LIMS1: variants seen among roughly 807,000 people sequenced by gnomAD.
LIMS1 encodes LIM and senescent cell antigen-like-containing domain protein 1.
Under a neutral mutation model 44.1 loss-of-function variants are expected in LIMS1, and 18 were observed. The observed-to-expected ratio is 0.41, with a 90% confidence interval of 0.28 to 0.61. The LOEUF is 0.61. LIMS1 is among the 20% of genes least tolerant of loss of function. The probability of loss-of-function intolerance (pLI) is 0.32; values close to 1 mark genes in which losing one functional copy is unlikely to be tolerated. For missense variants in LIMS1, 201 were observed against 422.0 expected (o/e 0.48, Z 4.59); for synonymous variants, 93 against 149.1 (o/e 0.62, Z 2.74).
At chr2:108,672,081 C>T (rs1320627474) in intron 3 of LIMS1, among the ~76,000 whole-genome samples, 3 of 147,976 alleles carry the variant, frequency 2.0e-5, no homozygotes, top group African/African-American at 7.5e-5. Context: ...GCAGGAGAAT[C>T]GCTTGAACCC....
chr2:108,551,847 A>G (rs1166877542), intron 1 of LIMS1, among the ~76,000 whole-genome samples: 2 of 146,430 alleles, frequency 1.4e-5, no homozygotes, highest in East Asian at 2.0e-4. Flanking sequence ...TATACTGTAT[A>G]TATACTATGT....
intron 1 of LIMS1, chr2:108,621,143 C>T: frequency 2.6e-6 from 2 of 761,232 alleles, no homozygotes; most frequent in Non-Finnish European, 3.9e-6. Flanking sequence ...AGGTGCGAGG[C>T]CCAGAGATAA....
At chr2:108,543,057 C>T (rs563364503) in intron 1 of LIMS1, among the ~76,000 whole-genome samples, 1 of 152,294 alleles carries the variant, frequency 6.6e-6, no homozygotes, top group African/African-American at 2.4e-5. Flanking sequence ...GAGTATACAG[C>T]TGTAATAGAG....
At chr2:108,618,774 G>A (rs551719826) in intron 1 of LIMS1, among the ~76,000 whole-genome samples, 29 of 145,948 alleles carry the variant, frequency 2.0e-4, no homozygotes, top group Non-Finnish European at 3.1e-4. Flanking sequence ...GCAGTGAGCT[G>A]AGATCGTGCC....
exon 10 of LIMS1, chr2:108,685,627 TATC>T (rs1024401704): frequency 1.3e-5 from 2 of 152,236 alleles, no homozygotes; most frequent in African/African-American, 4.8e-5. Context: ...GAATTGAAAT[TATC>T]ATAAATGATC....
intron 1 of LIMS1, among the ~76,000 whole-genome samples, chr2:108,576,425 G>C (rs1685671968): frequency 6.6e-6 from 1 of 152,078 alleles, no homozygotes; most frequent in Admixed American, 6.6e-5. Flanking sequence ...TTTTGAGATG[G>C]AGTCTCGCCC....
chr2:108,551,628 G>A (rs996330882), intron 1 of LIMS1, among the ~76,000 whole-genome samples: 1 of 140,822 alleles, frequency 7.1e-6, no homozygotes. Flanking sequence ...GTATATATGT[G>A]TATATATATG....
chr2:108,621,519 G>A (rs1366832072), intron 1 of LIMS1: 1 of 1,229,394 alleles, frequency 8.1e-7, no homozygotes, highest in Non-Finnish European at 1.2e-6. Context: ...TAAGTGCAGT[G>A]GGGATTCATG....
chr2:108,535,814 C>T (rs1684115836), intron 1 of LIMS1, among the ~76,000 whole-genome samples: 1 of 152,020 alleles, frequency 6.6e-6, no homozygotes. Context: ...AGGAAGTGTC[C>T]GGCAATACAG....
chr2:108,672,982 C>G, exon 5 of LIMS1: 1 of 1,306,026 alleles, frequency 7.7e-7, no homozygotes. Context: ...CTCTGATATT[C>G]AAGAACGACC....
intron 1 of LIMS1, chr2:108,588,447 G>A (rs972576735): frequency 4.1e-5 from 40 of 985,534 alleles, no homozygotes; most frequent in Non-Finnish European, 4.6e-5. Flanking sequence ...AAGAGTAGGA[G>A]CCAGGAGGGA....
chr2:108,621,179 G>A, intron 1 of LIMS1: 2 of 1,198,788 alleles, frequency 1.7e-6, no homozygotes, highest in Non-Finnish European at 1.1e-6. Flanking sequence ...GCTGAGGAGG[G>A]TGTGTACCAG....
At chr2:108,580,824 G>A (rs1685857154) in intron 1 of LIMS1, among the ~76,000 whole-genome samples, 1 of 152,080 alleles carries the variant, frequency 6.6e-6, no homozygotes, top group African/African-American at 2.4e-5. Flanking sequence ...AGGGGGATGG[G>A]GCTTTCATTC....
rs149364279 is a variant in LIMS1 at position 108,684,274 on chromosome 2, T to C, written c.*275T>C. 529 of 174,374 alleles carry C rather than the reference T, an allele frequency of 3.0e-3. 3 individuals carry two copies. The highest frequency in any genetic ancestry group is 0.011 in the African/African-American group (483 of 42,392). The allele number at this position is 174,374 out of a possible 1,614,324, so 10.8% of individuals were successfully genotyped here. A position where few individuals can be genotyped will look rare whatever the true frequency, so the allele number is the denominator to read the frequency against. On this transcript the variant is annotated 3_prime_UTR_variant, in exon 10 of 10. Coordinates refer to ENST00000544547, the Ensembl canonical transcript of LIMS1. ...ACATGGTTAAATGTTAAATTTTAAT[T>C]AAGGCCCCCAAAAATTAAATATAAC... is the stretch of plus-strand genomic sequence containing the variant.
chr2:108,632,092 C>T (rs989860842), intron 1 of LIMS1, among the ~76,000 whole-genome samples: 4 of 152,158 alleles, frequency 2.6e-5, no homozygotes, highest in Non-Finnish European at 5.9e-5. Flanking sequence ...CTGCCTTAGC[C>T]TCCTGAGTAG....
chr2:108,577,693 TGTA>T (rs1336756702), intron 1 of LIMS1, among the ~76,000 whole-genome samples: 1 of 152,210 alleles, frequency 6.6e-6, no homozygotes, highest in Non-Finnish European at 1.5e-5. Context: ...GAATCTATAT[TGTA>T]GTACTTTATT....
rs534900494 is a variant in LIMS1, at chr2:108,566,793, C to T, written c.32+32199C>T. On this transcript the variant is annotated intron_variant, in intron 1 of 9. Coordinates refer to ENST00000544547, the Ensembl canonical transcript of LIMS1. Reference sequence around the variant, plus strand: ...TGTATTTTTAGTAGAGATGGGGTTTCGCCATGTTGGCCAGGCTGGTCTCAA... The same window carrying T: ...TGTATTTTTAGTAGAGATGGGGTTTTGCCATGTTGGCCAGGCTGGTCTCAA... 5.3e-5 allele frequency among the ~76,000 whole-genome samples: 8 copies of T among 152,096 alleles called. No individual in the cohort carries two copies. The South Asian group carries it at 6.2e-4, about 12-fold the overall frequency.
chr2:108,561,084 G>T (rs1685094763), intron 1 of LIMS1, among the ~76,000 whole-genome samples: 1 of 152,222 alleles, frequency 6.6e-6, no homozygotes, highest in African/African-American at 2.4e-5. Context: ...TGGCTGCAAA[G>T]TGCAAACACC....
intron 1 of LIMS1, among the ~76,000 whole-genome samples, chr2:108,569,764 C>CCTTTTTTTTTTTTTTTTTTTTTT (rs753691810): frequency 4.4e-5 from 5 of 113,102 alleles, no homozygotes; most frequent in East Asian, 3.3e-4. Context: ...CCATATCTGG[C>CCTTTTTTTTTTTTTTTTTTTTTT]TTTTTTTTTT....
Sources: allele counts gnomAD v4.1 joint callset (sites outside exome capture counted in the v4.1 genomes callset), GRCh38; gene constraint gnomAD v4.1.1; transcripts MANE v1.5; gene names NCBI Gene and HGNC (gene_info 2026-07-23, HGNC 2026-07-21).